Variants in NIPSNAP3A observed in about 807,000 individuals in gnomAD.
NIPSNAP3A encodes the protein nipsnap homolog 3A.
A neutral mutation model predicts 32.3 loss-of-function variants in NIPSNAP3A; 27 were observed. The ratio of observed to expected loss-of-function variants is 0.84; its 90% CI spans 0.62 to 1.15. The LOEUF (loss-of-function observed/expected upper bound fraction) is 1.15. Ranked by LOEUF, NIPSNAP3A falls within the 50% of genes most tolerant of loss-of-function variation. The pLI, the probability that NIPSNAP3A is intolerant of heterozygous loss-of-function variation, is 0.00. For missense variants in NIPSNAP3A, 278 were observed against 297.2 expected, an observed-to-expected ratio of 0.94 and a Z score of 0.48; for synonymous variants, 108 against 107.3, an observed-to-expected ratio of 1.01 and a Z score of -0.04.
chr9:104,755,427 T>C (rs1452424872), intron 4 of NIPSNAP3A, among the ~76,000 whole-genome samples: 5 of 152,134 alleles, frequency 3.3e-5, no homozygotes, highest in South Asian at 2.1e-4. Flanking sequence ...AATTTACCCA[T>C]TTTCCACCAG....
chr9:104,751,316 C>CA (rs1827846045), intron 2 of NIPSNAP3A, 150 bp downstream of exon 2: 8 of 746,206 alleles, frequency 1.1e-5, no homozygotes, highest in South Asian at 4.7e-5. Flanking sequence ...AAAGCAATAC[C>CA]AAAAAAATAA....
intron 4 of NIPSNAP3A, among the ~76,000 whole-genome samples, chr9:104,756,893 T>G (rs1305366168): frequency 1.4e-5 from 2 of 146,856 alleles, no homozygotes; most frequent in Non-Finnish European, 3.0e-5. Flanking sequence ...AACCTCCGCC[T>G]CCTTGGTTCA....
chr9:104,748,184 C>A (rs1827801572), intron 1 of NIPSNAP3A, among the ~76,000 whole-genome samples: 1 of 152,194 alleles, frequency 6.6e-6, no homozygotes, highest in Admixed American at 6.5e-5. Context: ...AGCTATGTCG[C>A]GGCTGCGGCC....
intron 4 of NIPSNAP3A, 131 bp downstream of exon 4, chr9:104,754,831 T>G: frequency 4.2e-6 from 3 of 718,494 alleles, no homozygotes; most frequent in Non-Finnish European, 4.6e-6. Context: ...TTTGTAATTT[T>G]TAAAATTGAG....
At chr9:104,752,436 AAC>A (rs780062159) in intron 2 of NIPSNAP3A, among the ~76,000 whole-genome samples, 6 of 151,832 alleles carry the variant, frequency 4.0e-5, no homozygotes, top group Non-Finnish European at 7.4e-5. Context: ...ACCAAAGAAA[AAC>A]AGTCTTTCTC....
At chr9:104,757,645 A>G (rs960810521) in intron 4 of NIPSNAP3A, among the ~76,000 whole-genome samples, 1 of 152,236 alleles carries the variant, frequency 6.6e-6, no homozygotes, top group Non-Finnish European at 1.5e-5. Context: ...GACCTTCTTT[A>G]TGTAATACAT....
intron 1 of NIPSNAP3A, among the ~76,000 whole-genome samples, chr9:104,748,932 G>A (rs1061582): frequency 4.0e-4 from 61 of 152,228 alleles, no homozygotes; most frequent in African/African-American, 1.4e-3. Context: ...GCAGCTAAAA[G>A]TCATCCCTGC....
At chr9:104,748,733 G>A (rs546351295) in intron 1 of NIPSNAP3A, among the ~76,000 whole-genome samples, 1 of 152,300 alleles carries the variant, frequency 6.6e-6, no homozygotes, top group South Asian at 2.1e-4. Context: ...TAACAATGCA[G>A]TTTTTACCCT....
Position 104,747,957 on chromosome 9 carries a change from G to T in NIPSNAP3A, c.60+105G>T, listed in dbSNP as rs909164967. On this transcript the variant is annotated intron_variant, in intron 1 of 5. Transcript: ENST00000374767. The stretch of plus-strand genomic sequence containing the variant: ...GCAATGCGCATGCGCTCTCCGCCAC[G>T]CGCGCCCAGACCTGGGGCCCCGGTG... The T allele has an allele frequency of 1.0e-5, 12 of 1,193,970 alleles. No individual in the cohort carries two copies. The African/African-American group carries it at 1.8e-4, about 18-fold the overall frequency. The allele number at this position is 1,193,970 out of a possible 1,614,324, so 74.0% of individuals were successfully genotyped here. A position where few individuals can be genotyped will look rare whatever the true frequency, so the allele number is the denominator to read the frequency against.
At chr9:104,747,990 A>G in intron 1 of NIPSNAP3A, 138 bp downstream of exon 1, 1 of 801,910 alleles carries the variant, frequency 1.2e-6, no homozygotes, top group Non-Finnish European at 1.9e-6. Flanking sequence ...GTGAGGTTCT[A>G]GCGTGAGCCC....
In NIPSNAP3A at chr9:104,750,955, G is replaced by C; in HGVS notation, c.61-1G>C. 1 of 1,607,780 alleles carries C rather than the reference G, an allele frequency of 6.2e-7. No homozygotes were observed. Among genetic ancestry groups the C allele is most frequent in the East Asian group, 2.2e-5 (1 of 44,808 alleles). ...ATTTACATTTGTCTTATCTTCTTCAGATGTGCTCATCTTTTGCTACGGGAC... is the reference window on the plus strand; with the variant it reads ...ATTTACATTTGTCTTATCTTCTTCACATGTGCTCATCTTTTGCTACGGGAC... On this transcript the variant is annotated splice_acceptor_variant, in intron 1 of 5. Coordinates refer to ENST00000374767, the MANE Select transcript of NIPSNAP3A (RefSeq NM_015469.3). LOFTEE classifies it high-confidence loss of function.
rs760339373 is a variant in NIPSNAP3A, at chr9:104,754,658, C to T, written c.538C>T (p.Leu180=). 3 of 1,613,972 alleles carry T rather than the reference C, an allele frequency of 1.9e-6. No homozygotes were observed. Among genetic ancestry groups the T allele is most frequent in the Non-Finnish European group, 2.5e-6 (3 of 1,179,866 alleles). Residue 180 remains leucine, a synonymous_variant, in exon 4 of 6, where the codon CTA becomes TTA. Coordinates refer to ENST00000374767, the MANE Select transcript of NIPSNAP3A (RefSeq NM_015469.3). The part of the protein sequence containing the change: ...HAHVNLGYTK[L]VGVFHTEYGA... The stretch of plus-strand genomic sequence containing the variant: ...TCATGTCAATCTAGGCTACACAAAA[C>T]TAGTTGGAGTGTTCCACACAGAGTA...
In NIPSNAP3A at chr9:104,759,472, T is replaced by G; in HGVS notation, c.*134T>G. 1.2e-6 allele frequency: 1 copy of G among 832,882 alleles called. No individual in the cohort carries two copies. The highest frequency in any genetic ancestry group is 1.9e-6 in the Non-Finnish European group (1 of 515,406). The allele number at this position is 832,882 out of a possible 1,614,324, so 51.6% of individuals were successfully genotyped here. On this transcript the variant is annotated 3_prime_UTR_variant, in exon 6 of 6. Coordinates refer to ENST00000374767, the MANE Select transcript of NIPSNAP3A (RefSeq NM_015469.3). ...TTAATTTGCTATGTTTCTTGCATTATGAAGGCTACATCTGTGCTTTGTAAG... is the reference window on the plus strand; with the variant it reads ...TTAATTTGCTATGTTTCTTGCATTAGGAAGGCTACATCTGTGCTTTGTAAG...
rs749608902 is a variant in NIPSNAP3A, at chr9:104,759,356, AAACATTTCATT to A, written c.*22_*32del. On this transcript the variant is annotated 3_prime_UTR_variant, in exon 6 of 6. Transcript: ENST00000374767. Reference sequence around the variant, plus strand: ...TGAAATAGTTTTCTACTGAAATACAAAACATTTCATTAACTGCTATAGGATCTGTCTGCTAA... The same window carrying A: ...TGAAATAGTTTTCTACTGAAATACAAAACTGCTATAGGATCTGTCTGCTAA... The A allele has an allele frequency of 1.2e-6, 2 of 1,605,586 alleles. No homozygotes were observed. Among genetic ancestry groups the A allele is most frequent in the Admixed American group, 3.3e-5 (2 of 60,020 alleles).
rs773688554 is a variant in NIPSNAP3A at position 104,759,365 on chromosome 9, A to G, written c.*27A>G. 17 of 1,597,004 alleles carry G rather than the reference A, an allele frequency of 1.1e-5. No homozygotes were observed. The highest frequency in any genetic ancestry group is 1.5e-5 in the Non-Finnish European group (17 of 1,166,286). On this transcript the variant is annotated 3_prime_UTR_variant, in exon 6 of 6. Coordinates refer to ENST00000374767, the MANE Select transcript of NIPSNAP3A (RefSeq NM_015469.3). ...TTTCTACTGAAATACAAAACATTTCATTAACTGCTATAGGATCTGTCTGCT... is the reference window on the plus strand; with the variant it reads ...TTTCTACTGAAATACAAAACATTTCGTTAACTGCTATAGGATCTGTCTGCT...
chr9:104,756,192 A>G lies in NIPSNAP3A; in HGVS notation c.580+1492A>G, dbSNP rs768286844. Among the ~76,000 whole-genome samples, 50 of 152,316 alleles carry G rather than the reference A, an allele frequency of 3.3e-4. 1 individual carries two copies. Among genetic ancestry groups the G allele is most frequent in the Non-Finnish European group, 4.0e-4 (27 of 68,014 alleles). ...AATTATTAGATGCCTATCTCACACC[A>G]TATGCGAAAATAAAGTCAAGCTGGA... On this transcript the variant is annotated intron_variant, in intron 4 of 5. Coordinates refer to ENST00000374767, the MANE Select transcript of NIPSNAP3A (RefSeq NM_015469.3).
In NIPSNAP3A at chr9:104,747,820, C is replaced by T. The variant is rs1284661861; in HGVS notation, c.28C>T (p.Arg10Trp). 5 of 1,608,906 alleles carry T rather than the reference C, an allele frequency of 3.1e-6. No homozygotes were observed. The highest frequency in any genetic ancestry group is 4.2e-6 in the Non-Finnish European group (5 of 1,179,012). Residue 10 changes from arginine to tryptophan, a missense_variant, in exon 1 of 6, where the codon CGG (arginine) becomes TGG (tryptophan). Arg to Trp is a moderately radical substitution (Grantham distance 101). Coordinates refer to ENST00000374767, the MANE Select transcript of NIPSNAP3A (RefSeq NM_015469.3). ...GCTCGTCCTCAGAAGCGCCCTGACT[C>T]GGGCGCTGGCCTCACGGACGCTGGC... The part of the protein sequence containing the change: MLVLRSALT[R>W]ALASRTLAPQ...
chr9:104,755,823 G>A (rs1445412243), intron 4 of NIPSNAP3A, among the ~76,000 whole-genome samples: 1 of 152,058 alleles, frequency 6.6e-6, no homozygotes, highest in African/African-American at 2.4e-5. Context: ...GGAGGCTGAG[G>A]TGGGAGGATT....
chr9:104,755,922 A>T (rs1188830238), intron 4 of NIPSNAP3A, among the ~76,000 whole-genome samples: 1 of 119,212 alleles, frequency 8.4e-6, no homozygotes, highest in Non-Finnish European at 2.1e-5. Flanking sequence ...CCTGTCTCTT[A>T]AAAAAAAAAA....
Sources: allele counts gnomAD v4.1 joint callset (sites outside exome capture counted in the v4.1 genomes callset), GRCh38; gene constraint gnomAD v4.1.1; transcripts MANE v1.5; gene names NCBI Gene and HGNC (gene_info 2026-07-23, HGNC 2026-07-21).